The following PCDH11X variants were observed in gnomAD, a reference collection of about 807,000 sequenced individuals.
PCDH11X encodes protocadherin-11 X-linked.
Under a neutral mutation model 53.3 loss-of-function variants are expected in PCDH11X, and 18 were observed. The observed-to-expected ratio is 0.34, with a 90% confidence interval of 0.23 to 0.50. The LOEUF (loss-of-function observed/expected upper bound fraction) is 0.50. PCDH11X is among the 20% of genes least tolerant of loss of function. The pLI is 0.98. For synonymous variants in PCDH11X, 279 were observed against 393.3 expected (o/e 0.71, Z 3.44); for missense variants, 570 against 1,032.4 (o/e 0.55, Z 6.14).
At position 92,121,216 on chromosome X, in the gene PCDH11X, C is replaced by T. The variant is rs779346889; in HGVS notation, c.3034-80159C>T. On this transcript the variant is annotated intron_variant, in intron 6 of 10. Coordinates refer to ENST00000682573, the MANE Select transcript of PCDH11X (RefSeq NM_032968.5). ...TGTCACCCAGGCTGGAGTGCAGTGG[C>T]GTGATCTTGGTTCACTGCAACCTCT... Among the ~76,000 whole-genome samples, 6 of 108,939 alleles carry T rather than the reference C, an allele frequency of 5.5e-5. No individual in the cohort carries two copies. In the South Asian group the frequency reaches 1.2e-3, roughly 22 times the overall value. The allele number at this position is 108,939 out of a possible 115,157, so 94.6% of individuals were successfully genotyped here. A position where few individuals can be genotyped will look rare whatever the true frequency, so the allele number is the denominator to read the frequency against.
At chrX:92,576,128 G>T (rs1470761366) in intron 10 of PCDH11X, among the ~76,000 whole-genome samples, 1 of 101,107 alleles carries the variant, frequency 9.9e-6, no homozygotes, top group Non-Finnish European at 2.0e-5. Context: ...TGACCACTTC[G>T]TCATTATGCA....
intron 6 of PCDH11X, among the ~76,000 whole-genome samples, chrX:91,925,551 G>A (rs1941916969): frequency 9.0e-6 from 1 of 110,791 alleles, no homozygotes. Context: ...TCTCACTAAA[G>A]TCATTATTTG....
chrX:91,978,992 A>G (rs2062085617), intron 6 of PCDH11X, among the ~76,000 whole-genome samples: 1 of 111,627 alleles, frequency 9.0e-6, no homozygotes, highest in Admixed American at 9.6e-5. Flanking sequence ...CCACAAGGGC[A>G]TTTTTGTCTG....
chrX:92,414,154 T>C (rs2071753994), intron 9 of PCDH11X, among the ~76,000 whole-genome samples: 1 of 101,701 alleles, frequency 9.8e-6, no homozygotes, highest in Admixed American at 1.1e-4. Flanking sequence ...GAAAGCCTAT[T>C]GGTGGTTAGT....
At chrX:91,949,761 A>G (rs747889394) in intron 6 of PCDH11X, among the ~76,000 whole-genome samples, 1 of 110,714 alleles carries the variant, frequency 9.0e-6, no homozygotes, top group Non-Finnish European at 1.9e-5. Context: ...ATTTGAGAAT[A>G]GATTTATATT....
At chrX:92,508,222 TGTTG>T (rs2074100618) in intron 10 of PCDH11X, among the ~76,000 whole-genome samples, 1 of 64,313 alleles carries the variant, frequency 1.6e-5, no homozygotes. Context: ...TGTTTTTTTT[TGTTG>T]TTTTTTTTGT....
chrX:92,197,447 A>G (rs1480534564), intron 6 of PCDH11X, among the ~76,000 whole-genome samples: 1 of 112,254 alleles, frequency 8.9e-6, no homozygotes, highest in African/African-American at 3.2e-5. Flanking sequence ...CCTGGGAAAA[A>G]TAAACATCAA....
intron 5 of PCDH11X, among the ~76,000 whole-genome samples, chrX:91,843,262 T>A (rs1267903495): frequency 8.4e-5 from 4 of 47,406 alleles, no homozygotes; most frequent in Non-Finnish European, 1.6e-4. Flanking sequence ...CATACATACT[T>A]ATGTGTGTGT....
intron 8 of PCDH11X, among the ~76,000 whole-genome samples, chrX:92,332,075 A>C (rs1569466921): frequency 9.0e-6 from 1 of 111,688 alleles, no homozygotes; most frequent in Non-Finnish European, 1.9e-5. Context: ...TGAAGTCTGT[A>C]ATTATAAACT....
chrX:91,898,839 G>A (rs1940848509), intron 6 of PCDH11X, among the ~76,000 whole-genome samples: 1 of 110,329 alleles, frequency 9.1e-6, no homozygotes, highest in African/African-American at 3.3e-5. Flanking sequence ...GACCATTGTT[G>A]AGGTTTAGCT....
At chrX:92,014,802 G>A (rs140922551) in intron 6 of PCDH11X, among the ~76,000 whole-genome samples, 3,828 of 110,896 alleles carry the variant, frequency 0.035, 123 homozygotes, top group African/African-American at 0.1. Context: ...ACCAAACACC[G>A]CATGTTCTCA....
chrX:92,176,877 T>C (rs1248958574), intron 6 of PCDH11X, among the ~76,000 whole-genome samples: 4 of 111,530 alleles, frequency 3.6e-5, no homozygotes, highest in Non-Finnish European at 5.6e-5. Flanking sequence ...ATTGGCACAC[T>C]TTTTGCGGGT....
intron 4 of PCDH11X, among the ~76,000 whole-genome samples, chrX:91,817,271 A>G (rs1300643318): frequency 2.0e-5 from 2 of 99,562 alleles, no homozygotes; most frequent in Non-Finnish European, 2.0e-5. Context: ...TCTAACTTAA[A>G]ATGAGGGGAG....
chrX:92,340,822 C>T (rs928556383), intron 8 of PCDH11X, among the ~76,000 whole-genome samples: 3 of 64,007 alleles, frequency 4.7e-5, no homozygotes, highest in African/African-American at 2.2e-4. Flanking sequence ...TTTAGCTATA[C>T]AAATCTCTCT....
At chrX:91,929,650 T>C (rs1184310261) in intron 6 of PCDH11X, among the ~76,000 whole-genome samples, 1 of 111,257 alleles carries the variant, frequency 9.0e-6, no homozygotes, top group Admixed American at 9.7e-5. Context: ...TTAAAAGCAG[T>C]AATCTCCGGG....
chrX:92,405,745 T>G (rs1173605003), intron 9 of PCDH11X, among the ~76,000 whole-genome samples: 1 of 108,766 alleles, frequency 9.2e-6, no homozygotes, highest in East Asian at 2.9e-4. Flanking sequence ...AGTGTCTCCC[T>G]CAGCACCTCT....
At chrX:92,270,513 C>T (rs73532128) in intron 8 of PCDH11X, among the ~76,000 whole-genome samples, 7,831 of 111,603 alleles carry the variant, frequency 0.07, 479 homozygotes, top group East Asian at 0.28. Flanking sequence ...GTATCTGAAA[C>T]AGGCCTCAAT....
At chrX:92,209,228 A>G (rs1425584681) in intron 7 of PCDH11X, among the ~76,000 whole-genome samples, 3 of 111,814 alleles carry the variant, frequency 2.7e-5, no homozygotes, top group East Asian at 5.6e-4. Flanking sequence ...AACTCATTCT[A>G]GCTATTAACT....
intron 8 of PCDH11X, among the ~76,000 whole-genome samples, chrX:92,382,712 C>A (rs918570628): frequency 1.3e-4 from 15 of 111,420 alleles, no homozygotes; most frequent in Non-Finnish European, 7.5e-5. Flanking sequence ...CTATTTCTCT[C>A]TGCTACTGGC....
Sources: allele counts gnomAD v4.1 joint callset (sites outside exome capture counted in the v4.1 genomes callset), GRCh38; gene constraint gnomAD v4.1.1; transcripts MANE v1.5; gene names NCBI Gene and HGNC (gene_info 2026-07-23, HGNC 2026-07-21).